Variants in TFR2 observed in about 807,000 individuals in gnomAD.
TFR2 encodes the protein transferrin receptor protein 2.
A neutral mutation model predicts 91.9 loss-of-function variants in TFR2; 64 were observed. The ratio of observed to expected loss-of-function variants is 0.70; its 90% CI spans 0.57 to 0.86. TFR2 has a LOEUF of 0.86. TFR2 is among the 40% of genes least tolerant of loss of function. TFR2 has a pLI of 0.00. For synonymous variants in TFR2, 454 were observed against 459.6 expected, an observed-to-expected ratio of 0.99 and a Z score of 0.15; for missense variants, 950 against 1,080.5, an observed-to-expected ratio of 0.88 and a Z score of 1.69.
At position 100,626,838 on chromosome 7, in the gene TFR2, C is replaced by T. The variant is rs369523451; in HGVS notation, c.2061G>A (p.Lys687=). Residue 687 remains lysine, a synonymous_variant, in exon 17 of 18, where the codon AAG becomes AAA. Transcript: ENST00000223051. The stretch of plus-strand genomic sequence containing the variant: ...CCGAGCTGTAGATCTCCTGCCGCAG[C>T]TTTTCCGCCGCCCGGATGTAGTCCC... The part of the protein sequence containing the change: ...ARGDYIRAAE[K]LRQEIYSSEE... The T allele has an allele frequency of 1.3e-6, 2 of 1,549,512 alleles. No individual in the cohort carries two copies. Among genetic ancestry groups the T allele is most frequent in the African/African-American group, 2.7e-5 (2 of 73,044 alleles).
chr7:100,638,605 G>T (rs954779374), intron 3 of TFR2, among the ~76,000 whole-genome samples: 1 of 151,850 alleles, frequency 6.6e-6, no homozygotes, highest in African/African-American at 2.4e-5. Flanking sequence ...CAAAAAATTG[G>T]TTGGGTGTGG....
chr7:100,627,199 G>C lies in TFR2; in HGVS notation c.1995+65C>G, dbSNP rs1174152530. On this transcript the variant is annotated intron_variant, in intron 16 of 17. Transcript: ENST00000223051. ...CCAGGGAATGCAGAGAGAAGGGGCT[G>C]GACCCCCTGGCCTGGGCAGTGCCTC... 6.7e-6 allele frequency: 10 copies of C among 1,498,076 alleles called. No individual in the cohort carries two copies. The African/African-American group carries it at 1.2e-4, about 19-fold the overall frequency. The allele number at this position is 1,498,076 out of a possible 1,614,324, so 92.8% of individuals were successfully genotyped here. A position where few individuals can be genotyped will look rare whatever the true frequency, so the allele number is the denominator to read the frequency against.
chr7:100,625,265 G>C (rs922766709), intron 17 of TFR2, among the ~76,000 whole-genome samples: 1 of 151,814 alleles, frequency 6.6e-6, no homozygotes, highest in Non-Finnish European at 1.5e-5. Context: ...CTCCATGTTG[G>C]TCAGGCTGGT....
intron 9 of TFR2, 24 bp from the exon 10 acceptor site, chr7:100,629,396 C>T: frequency 6.2e-7 from 1 of 1,613,026 alleles, no homozygotes; most frequent in Non-Finnish European, 8.5e-7. Flanking sequence ...GTTTGGGACC[C>T]ACTTCTGACA....
At position 100,627,646 on chromosome 7, in the gene TFR2, G is replaced by A. The variant is rs560458124; in HGVS notation, c.1698C>T (p.Pro566=). 1.9e-6 allele frequency: 3 copies of A among 1,614,142 alleles called. No homozygotes were observed. The highest frequency in any genetic ancestry group is 1.7e-6 in the Non-Finnish European group (2 of 1,180,002). Residue 566 remains proline (P), a synonymous_variant, in exon 15 of 18, where the codon CCC becomes CCT. Transcript: ENST00000223051. The part of the protein sequence containing the change: ...SWDAEVIRPL[P]MDSSAYSFTA... ...TGAAGGAATAGGCACTGCTGTCCAT[G>A]GGTAGGGGCCGGATCCTGGGGGCAG...
At chr7:100,641,342 CG>C (rs2131328163) in intron 1 of TFR2, 114 bp from the exon 2 acceptor site, 2 of 194,492 alleles carry the variant, frequency 1.0e-5, no homozygotes, top group Non-Finnish European at 9.5e-6. Context: ...GTGGTGGGGG[CG>C]TGGGGGAGGG....
rs749352826 is a variant in TFR2, at chr7:100,620,990, G to A, written c.2273C>T (p.Thr758Ile). 1.9e-6 allele frequency: 3 copies of A among 1,610,540 alleles called. No individual in the cohort carries two copies. The highest frequency in any genetic ancestry group is 8.5e-7 in the Non-Finnish European group (1 of 1,178,626). ...LRLLRSNSSG[T>I]PGATSSTGFQ... is the part of the protein sequence containing the mutation. ...GCCAGTGGAGGAGGTGGCCCCGGGGGTCCCGGAGCTGTTGGAGCGCAGCAG... is the reference window on the plus strand; with the variant it reads ...GCCAGTGGAGGAGGTGGCCCCGGGGATCCCGGAGCTGTTGGAGCGCAGCAG... Residue 758 changes from threonine (T) to isoleucine (I), a missense_variant, in exon 18 of 18, where the codon ACC becomes ATC. Coordinates refer to ENST00000223051, the MANE Select transcript of TFR2 (RefSeq NM_003227.4).
rs1436441761 is a variant in TFR2 at position 100,627,283 on chromosome 7, T to C, written c.1976A>G (p.Glu659Gly). The C allele has an allele frequency of 6.5e-7, 1 of 1,549,100 alleles. No individual in the cohort carries two copies. Among genetic ancestry groups the C allele is most frequent in the African/African-American group, 1.4e-5 (1 of 72,952 alleles). ...TTGAACCTTGAGGTCCCCAGAGAACTCGTTGAGGTTCCCGATGTGCCTGAG... is the reference window on the plus strand; with the variant it reads ...TTGAACCTTGAGGTCCCCAGAGAACCCGTTGAGGTTCCCGATGTGCCTGAG... ...VVLRHIGNLN[E>G]FSGDLKARGL... Residue 659 changes from glutamate (E) to glycine (G), a missense_variant, in exon 16 of 18, where the codon GAG (glutamate) becomes GGG (glycine). Glu to Gly is a moderately conservative substitution (Grantham distance 98). Coordinates refer to ENST00000223051, the MANE Select transcript of TFR2 (RefSeq NM_003227.4).
intron 6 of TFR2, 84 bp from the exon 7 acceptor site, chr7:100,632,282 T>G: frequency 7.9e-7 from 1 of 1,264,398 alleles, no homozygotes; most frequent in Non-Finnish European, 1.2e-6. Context: ...TGGCAAGGCC[T>G]TTGCTTGCAA....
chr7:100,620,862 AGTT>A lies in TFR2; in HGVS notation c.2398_2400del (p.Asn800del), dbSNP rs766890481. 10 of 1,614,036 alleles carry A rather than the reference AGTT, an allele frequency of 6.2e-6. No individual in the cohort carries two copies. The highest frequency in any genetic ancestry group is 3.3e-5 in the South Asian group (3 of 91,074). On this transcript the variant is annotated inframe_deletion, in exon 18 of 18. Coordinates refer to ENST00000223051, the MANE Select transcript of TFR2 (RefSeq NM_003227.4). ...ATGTGAGGATCCCCAGGGCCTCAGA[AGTT>A]GTTATCAATGTTCCAGACATCCCCG...
intron 17 of TFR2, among the ~76,000 whole-genome samples, chr7:100,625,059 C>CTTTTTTTTTT (rs34968337): frequency 9.5e-6 from 1 of 105,296 alleles, no homozygotes; most frequent in Non-Finnish European, 1.8e-5. Flanking sequence ...TTTTCTTTTT[C>CTTTTTTTTTT]TTTTTTTTTT....
chr7:100,639,655 T>G (rs1803651517), intron 3 of TFR2: 2 of 151,684 alleles, frequency 1.3e-5, no homozygotes, highest in African/African-American at 4.8e-5. Context: ...GCTTAGCTGA[T>G]TACCTACTTA....
intron 8 of TFR2, chr7:100,631,476 A>G: frequency 3.2e-6 from 1 of 308,388 alleles, no homozygotes; most frequent in Non-Finnish European, 6.3e-6. Context: ...TACAAAAATT[A>G]GCCGGGCGTG....
Position 100,626,823 on chromosome 7 carries a change from G to T in TFR2, c.2076C>A (p.Ile692=), listed in dbSNP as rs1489691312. ...IRAAEKLRQE[I]YSSEERDERL... ...GCTCGTCTCTCTCCTCCGAGCTGTA[G>T]ATCTCCTGCCGCAGCTTTTCCGCCG... Residue 692 remains isoleucine (I), a synonymous_variant, in exon 17 of 18, where the codon ATC becomes ATA. Coordinates refer to ENST00000223051, the MANE Select transcript of TFR2 (RefSeq NM_003227.4). 3.9e-6 allele frequency: 6 copies of T among 1,549,488 alleles called. No homozygotes were observed. The highest frequency in any genetic ancestry group is 2.4e-5 in the East Asian group (1 of 40,920).
intron 3 of TFR2, among the ~76,000 whole-genome samples, chr7:100,636,883 C>T (rs1224820765): frequency 6.6e-6 from 1 of 152,128 alleles, no homozygotes; most frequent in Admixed American, 6.6e-5. Flanking sequence ...ACTTTTGCCT[C>T]AGTGCCACAC....
intron 8 of TFR2, 43 bp downstream of exon 8, chr7:100,631,761 CCT>C (rs1245000979): frequency 6.3e-7 from 1 of 1,594,970 alleles, no homozygotes; most frequent in Admixed American, 1.7e-5. Flanking sequence ...CTGCAGCCTT[CCT>C]CTCTCTGCTT....
chr7:100,630,803 A>T (rs990587390), intron 9 of TFR2, 86 bp downstream of exon 9: 2 of 1,589,160 alleles, frequency 1.3e-6, no homozygotes, highest in Admixed American at 3.4e-5. Context: ...GGCCTCCTGC[A>T]CCAGCCCCCT....
chr7:100,640,546 A>AG, intron 3 of TFR2, 140 bp downstream of exon 3: 3 of 932,188 alleles, frequency 3.2e-6, no homozygotes, highest in Non-Finnish European at 4.8e-6. Flanking sequence ...ACCGCTGAAC[A>AG]GGGGGGCCAG....
In TFR2 at chr7:100,633,255, G is replaced by C; in HGVS notation, c.700C>G (p.Pro234Ala). The change falls in exon 5 of 18, where the codon CCC (proline) becomes GCC (alanine). Residue 234 changes from proline (P) to alanine (A), a missense_variant. Pro to Ala is a conservative substitution (Grantham distance 27). Transcript: ENST00000223051. Reference sequence around the variant, plus strand: ...GTGACGTTGCCGATGGCGCTGTAGGGGCAGTAGACGTCAGGGTCCTCCAGC... The same window carrying C: ...GTGACGTTGCCGATGGCGCTGTAGGCGCAGTAGACGTCAGGGTCCTCCAGC... ...LPLEDPDVYC[P>A]YSAIGNVTGE... 1.9e-6 allele frequency: 3 copies of C among 1,613,846 alleles called. No homozygotes were observed. The highest frequency in any genetic ancestry group is 2.5e-6 in the Non-Finnish European group (3 of 1,179,870).
Sources: gnomAD v4.1 joint callset for allele counts (sites outside exome capture counted in the v4.1 genomes callset) on GRCh38, gnomAD v4.1.1 for gene constraint, MANE v1.5 for transcripts, NCBI Gene and HGNC (gene_info 2026-07-23, HGNC 2026-07-21) for gene names.